Variants in COTL1 observed in about 807,000 individuals in gnomAD.
COTL1 encodes coactosin like F-actin binding protein 1.
COTL1 carries 15 observed loss-of-function variants against 16.5 expected under a neutral mutation model. The observed-to-expected ratio is 0.91, with a 90% confidence interval of 0.61 to 1.40. The LOEUF (loss-of-function observed/expected upper bound fraction) is 1.40. Ranked by LOEUF, COTL1 falls within the 40% of genes most tolerant of loss-of-function variation. The pLI, the probability that COTL1 is intolerant of heterozygous loss-of-function variation, is 0.00. For synonymous variants in COTL1, 112 were observed against 85.3 expected (o/e 1.31, Z -1.73); for missense variants, 220 against 201.5 (o/e 1.09, Z -0.56).
At chr16:84,578,460 T>C (rs1904501153) in intron 3 of COTL1, among the ~76,000 whole-genome samples, 1 of 152,218 alleles carries the variant, frequency 6.6e-6, no homozygotes, top group African/African-American at 2.4e-5. Context: ...CACAATTCCA[T>C]GAGATATTAT....
chr16:84,579,651 T>C (rs550013090), intron 3 of COTL1, among the ~76,000 whole-genome samples: 1 of 152,350 alleles, frequency 6.6e-6, no homozygotes, highest in East Asian at 1.9e-4. Context: ...TCCTGCATTT[T>C]GTCGGAACCC....
intron 2 of COTL1, among the ~76,000 whole-genome samples, chr16:84,592,267 C>T (rs9938433): frequency 3.0e-3 from 454 of 152,310 alleles, no homozygotes; most frequent in African/African-American, 0.01. Context: ...ACAAACAGTT[C>T]ATATTTTAAC....
chr16:84,588,511 T>A (rs887019619), intron 3 of COTL1, among the ~76,000 whole-genome samples: 3 of 152,192 alleles, frequency 2.0e-5, no homozygotes, highest in African/African-American at 7.2e-5. Context: ...TTGTTTGTTT[T>A]TCTTTTTGCA....
intron 3 of COTL1, among the ~76,000 whole-genome samples, chr16:84,584,061 C>A (rs1434811801): frequency 2.0e-5 from 3 of 152,238 alleles, no homozygotes; most frequent in African/African-American, 7.2e-5. Flanking sequence ...CAGGTCACTA[C>A]CAGCGGTCAC....
At chr16:84,597,526 T>C (rs1469340870) in intron 2 of COTL1, among the ~76,000 whole-genome samples, 1 of 152,152 alleles carries the variant, frequency 6.6e-6, no homozygotes, top group Non-Finnish European at 1.5e-5. Flanking sequence ...CACTCAGCCC[T>C]ACTGATCCAG....
chr16:84,600,331 G>C (rs992320493), intron 2 of COTL1, among the ~76,000 whole-genome samples: 1 of 40,682 alleles, frequency 2.5e-5, no homozygotes, highest in Non-Finnish European at 4.8e-5. Flanking sequence ...TTTTTTTTTT[G>C]AGACGAAATC....
chr16:84,585,353 C>CAAAAA (rs5818498), intron 3 of COTL1, among the ~76,000 whole-genome samples: 53 of 127,008 alleles, frequency 4.2e-4, no homozygotes, highest in African/African-American at 1.3e-3. Context: ...AGATTGTCTC[C>CAAAAA]AAAAAAAAAA....
intron 3 of COTL1, among the ~76,000 whole-genome samples, chr16:84,571,561 C>A (rs533453750): frequency 1.3e-5 from 2 of 152,332 alleles, no homozygotes; most frequent in Admixed American, 6.5e-5. Context: ...CCTCCTCGTG[C>A]TGCTCCTGTG....
At chr16:84,600,312 CT>C (rs11305996) in intron 2 of COTL1, among the ~76,000 whole-genome samples, 32,506 of 125,444 alleles carry the variant, frequency 0.26, 3,010 homozygotes, top group East Asian at 0.41. Flanking sequence ...AATAAAGGCT[CT>C]TTTTTTTTTT....
At chr16:84,567,898 C>G (rs1597164621) in intron 3 of COTL1, 1 of 151,690 alleles carries the variant, frequency 6.6e-6, no homozygotes, top group South Asian at 2.1e-4. Flanking sequence ...TGACGGACAG[C>G]TTGACAAAAA....
At chr16:84,606,122 T>C (rs1905206716) in intron 2 of COTL1, among the ~76,000 whole-genome samples, 1 of 152,262 alleles carries the variant, frequency 6.6e-6, no homozygotes, top group Non-Finnish European at 1.5e-5. Context: ...GTGCCATGCC[T>C]GCCTTCAAAA....
intron 2 of COTL1, among the ~76,000 whole-genome samples, chr16:84,599,735 C>T (rs560448347): frequency 6.6e-6 from 1 of 152,110 alleles, no homozygotes; most frequent in Non-Finnish European, 1.5e-5. Context: ...ACAGAGACTC[C>T]GGAGAGGTTA....
chr16:84,615,666 G>A (rs1905456682), intron 2 of COTL1, among the ~76,000 whole-genome samples: 1 of 152,188 alleles, frequency 6.6e-6, no homozygotes, highest in Non-Finnish European at 1.5e-5. Flanking sequence ...AGAAAGTTAA[G>A]AGTTTGCACT....
At chr16:84,603,597 G>A (rs1367384342) in intron 2 of COTL1, among the ~76,000 whole-genome samples, 1 of 50,610 alleles carries the variant, frequency 2.0e-5, no homozygotes, top group Non-Finnish European at 3.9e-5. Context: ...GCTAGGTGAG[G>A]ATGATAAGGA....
intron 3 of COTL1, among the ~76,000 whole-genome samples, chr16:84,572,090 TC>T (rs1904347633): frequency 6.6e-6 from 1 of 152,160 alleles, no homozygotes. Flanking sequence ...TTCCAGCGGC[TC>T]CCATGAGATA....
intron 2 of COTL1, chr16:84,615,876 T>TGTGTGTGTGTGTGTGC (rs755850381): frequency 2.7e-4 from 41 of 150,056 alleles, no homozygotes; most frequent in African/African-American, 9.7e-4. Flanking sequence ...TGTGTGTGTG[T>TGTGTGTGTGTGTGTGC]GCGCGCACGC....
intron 2 of COTL1, among the ~76,000 whole-genome samples, chr16:84,608,399 G>C (rs1212376196): frequency 6.6e-6 from 1 of 152,112 alleles, no homozygotes; most frequent in African/African-American, 2.4e-5. Context: ...TGGTGACACA[G>C]CCACAAACAG....
intron 2 of COTL1, among the ~76,000 whole-genome samples, chr16:84,608,056 T>C (rs920385700): frequency 1.3e-5 from 2 of 151,958 alleles, no homozygotes; most frequent in African/African-American, 4.8e-5. Flanking sequence ...TGGCAAATGC[T>C]GGAGGGAGGT....
At chr16:84,591,761 T>C (rs913310077) in intron 2 of COTL1, among the ~76,000 whole-genome samples, 2 of 149,440 alleles carry the variant, frequency 1.3e-5, no homozygotes. Flanking sequence ...AGGTTGAGAC[T>C]GCAGTTGAGT....
Sources: allele counts gnomAD v4.1 joint callset (sites outside exome capture counted in the v4.1 genomes callset), GRCh38; gene constraint gnomAD v4.1.1; transcripts MANE v1.5; gene names NCBI Gene and HGNC (gene_info 2026-07-23, HGNC 2026-07-21).